The following CFAP20DC variants were observed in gnomAD, a reference collection of about 807,000 sequenced individuals.
The protein encoded by CFAP20DC is CFAP20 domain containing, also known as protein CFAP20DC.
A neutral mutation model predicts 101.7 loss-of-function variants in CFAP20DC; 84 were observed. The ratio of observed to expected loss-of-function variants is 0.83; its 90% confidence interval spans 0.69 to 0.99. The LOEUF (loss-of-function observed/expected upper bound fraction) is 0.99, where lower values mean the gene tolerates loss of function less well. CFAP20DC is among the 50% of genes least tolerant of loss of function. The pLI, the probability that CFAP20DC is intolerant of heterozygous loss-of-function variation, is 0.00. For synonymous variants in CFAP20DC, 359 were observed against 351.2 expected, an observed-to-expected ratio of 1.02 and a Z score of -0.25; for missense variants, 1,007 against 970.3, an observed-to-expected ratio of 1.04 and a Z score of -0.50.
At chr3:58,865,505 T>C (rs2079611802) in intron 11 of CFAP20DC, among the ~76,000 whole-genome samples, 1 of 152,186 alleles carries the variant, frequency 6.6e-6, no homozygotes, top group Admixed American at 6.5e-5. Flanking sequence ...AGTCTAGTTC[T>C]TCTGACCACC....
intron 3 of CFAP20DC, among the ~76,000 whole-genome samples, chr3:58,730,699 G>A (rs2067628601): frequency 6.6e-6 from 1 of 152,140 alleles, no homozygotes; most frequent in African/African-American, 2.4e-5. Flanking sequence ...CTGGTTTGGT[G>A]AATTTTGAAT....
chr3:58,808,096 C>A (rs1458007977), intron 14 of CFAP20DC, among the ~76,000 whole-genome samples: 1 of 152,194 alleles, frequency 6.6e-6, no homozygotes, highest in African/African-American at 2.4e-5. Flanking sequence ...GATTGGTGTA[C>A]TTGAAAGTGA....
chr3:59,031,518 C>G (rs187747910), intron 4 of CFAP20DC, among the ~76,000 whole-genome samples: 1 of 152,142 alleles, frequency 6.6e-6, no homozygotes, highest in Admixed American at 6.5e-5. Flanking sequence ...TTCTGCAGAA[C>G]CAGAAAGTGA....
chr3:58,736,167 A>G (rs928436041), intron 3 of CFAP20DC, among the ~76,000 whole-genome samples: 2 of 152,222 alleles, frequency 1.3e-5, no homozygotes, highest in African/African-American at 4.8e-5. Context: ...ATTGGAGGGA[A>G]AAAGATACTA....
chr3:58,845,691 C>T (rs2077573160), intron 13 of CFAP20DC, among the ~76,000 whole-genome samples: 1 of 151,708 alleles, frequency 6.6e-6, no homozygotes, highest in Non-Finnish European at 1.5e-5. Flanking sequence ...GATACCAAAG[C>T]CGGGCAGAGA....
chr3:58,928,783 C>G (rs939534501), intron 5 of CFAP20DC, among the ~76,000 whole-genome samples: 3 of 152,160 alleles, frequency 2.0e-5, no homozygotes, highest in South Asian at 2.1e-4. Context: ...AAGGAAAGTT[C>G]TAGATATGCT....
At chr3:58,878,242 C>T (rs527911973) in intron 7 of CFAP20DC, among the ~76,000 whole-genome samples, 4 of 152,244 alleles carry the variant, frequency 2.6e-5, no homozygotes, top group South Asian at 2.1e-4. Flanking sequence ...AAAACCAGAA[C>T]GTAGCCTTAC....
rs2075904184 is a variant in CFAP20DC, at chr3:58,824,488, A to G, written c.2175+7198T>C. Reference sequence around the variant, plus strand: ...GCACAAGCAGCTTTGCTTTTCCATGATCAAGCTGCTAGAGATTTTGGGGTG... The same window carrying G: ...GCACAAGCAGCTTTGCTTTTCCATGGTCAAGCTGCTAGAGATTTTGGGGTG... On this transcript the variant is annotated intron_variant, in intron 14 of 16. Coordinates refer to ENST00000482387, the MANE Select transcript of CFAP20DC (RefSeq NM_001394063.1). The G allele has an allele frequency of 2.6e-5, 4 of 152,148 alleles. No homozygotes were observed. In the South Asian group the frequency reaches 8.3e-4, roughly 32 times the overall value. The allele number at this position is 152,148 out of a possible 1,614,324, so 9.4% of individuals were successfully genotyped here.
chr3:58,841,405 C>T (rs1023907005), intron 13 of CFAP20DC, among the ~76,000 whole-genome samples: 3 of 152,152 alleles, frequency 2.0e-5, no homozygotes, highest in Non-Finnish European at 2.9e-5. Context: ...TGAAGCAATG[C>T]TTTAAAAATA....
At chr3:58,918,385 C>T (rs915915692) in intron 5 of CFAP20DC, among the ~76,000 whole-genome samples, 1 of 152,168 alleles carries the variant, frequency 6.6e-6, no homozygotes, top group African/African-American at 2.4e-5. Flanking sequence ...GTCACTCCTA[C>T]AGATGCATCC....
chr3:58,831,922 A>T, intron 13 of CFAP20DC, 33 bp from the exon 14 acceptor site: 1 of 1,584,592 alleles, frequency 6.3e-7, no homozygotes, highest in Non-Finnish European at 8.7e-7. Context: ...ACAAAGGGTC[A>T]TTTGGCCTAA....
At chr3:58,965,864 A>G (rs2091484502) in intron 4 of CFAP20DC, among the ~76,000 whole-genome samples, 1 of 152,218 alleles carries the variant, frequency 6.6e-6, no homozygotes, top group African/African-American at 2.4e-5. Context: ...GGCATAGATG[A>G]AGAAGCACTT....
chr3:58,954,843 A>T (rs1021834183), intron 4 of CFAP20DC, among the ~76,000 whole-genome samples: 6 of 152,096 alleles, frequency 3.9e-5, no homozygotes, highest in Non-Finnish European at 5.9e-5. Flanking sequence ...TACACCTATG[A>T]TTTTAAATTA....
At chr3:58,806,324 A>T in intron 15 of CFAP20DC, 71 bp downstream of exon 15, 2 of 1,077,882 alleles carry the variant, frequency 1.9e-6, no homozygotes, top group Non-Finnish European at 2.8e-6. Flanking sequence ...ATTTCAGAAA[A>T]CCAAGAAAAA....
Position 58,863,942 on chromosome 3 carries a change from GTTAT to G in CFAP20DC, c.1259-54_1259-51del. On this transcript the variant is annotated intron_variant, in intron 11 of 16. Coordinates refer to ENST00000482387, the MANE Select transcript of CFAP20DC (RefSeq NM_001394063.1). This position sits in a 1 kb window ranked among gnomAD's most constrained non-coding sequence, Gnocchi z 5.9. ...AATTAGAGCAGTAATCCATAAAAGT[GTTAT>G]TTTTATTTATTTATTTTTAGTTTTA... 2.7e-6 allele frequency: 4 copies of G among 1,484,198 alleles called. No individual in the cohort carries two copies. The highest frequency in any genetic ancestry group is 3.6e-6 in the Non-Finnish European group (4 of 1,112,624). The allele number at this position is 1,484,198 out of a possible 1,614,324, so 91.9% of individuals were successfully genotyped here. A position where few individuals can be genotyped will look rare whatever the true frequency, so the allele number is the denominator to read the frequency against.
intron 14 of CFAP20DC, among the ~76,000 whole-genome samples, chr3:58,827,461 A>G (rs991066000): frequency 1.3e-5 from 2 of 151,938 alleles, no homozygotes; most frequent in Non-Finnish European, 2.9e-5. Flanking sequence ...ACTCATTTCA[A>G]GTGCTACGCA....
intron 4 of CFAP20DC, among the ~76,000 whole-genome samples, chr3:59,020,106 T>C (rs2093773193): frequency 6.6e-6 from 1 of 152,112 alleles, no homozygotes; most frequent in South Asian, 2.1e-4. Context: ...ATATTTTATG[T>C]ATATGTTTTT....
intron 15 of CFAP20DC, 39 bp from the exon 16 acceptor site, chr3:58,753,902 C>A: frequency 7.2e-7 from 1 of 1,390,484 alleles, no homozygotes; most frequent in South Asian, 1.2e-5. Context: ...GTCTGGAATT[C>A]CATATATAGA....
intron 6 of CFAP20DC, among the ~76,000 whole-genome samples, chr3:58,900,545 A>C (rs562701949): frequency 6.6e-6 from 1 of 152,350 alleles, no homozygotes; most frequent in East Asian, 1.9e-4. Context: ...CTGTGTATGG[A>C]AACATACAGA....
Sources: gnomAD v4.1 joint callset for allele counts (sites outside exome capture counted in the v4.1 genomes callset) on GRCh38, gnomAD v4.1.1 for gene constraint, Gnocchi (gnomAD v3.1) non-coding constraint, MANE v1.5 for transcripts, NCBI Gene and HGNC (gene_info 2026-07-23, HGNC 2026-07-21) for gene names.